The following CPNE8 variants were observed in gnomAD, a reference collection of about 807,000 sequenced individuals.
CPNE8 encodes copine 8, also known as copine-8.
In CPNE8, 45 loss-of-function variants were observed where a neutral mutation model predicts 81.5. The ratio of observed to expected loss-of-function variants is 0.55; its 90% confidence interval spans 0.44 to 0.71. The LOEUF is 0.71. CPNE8 is among the 30% of genes least tolerant of loss of function. The probability of loss-of-function intolerance (pLI) is 0.00; values close to 1 mark genes in which losing one functional copy is unlikely to be tolerated. For synonymous variants in CPNE8, 252 were observed against 226.3 expected, an observed-to-expected ratio of 1.11 and a Z score of -1.02; for missense variants, 594 against 672.1, an observed-to-expected ratio of 0.88 and a Z score of 1.28.
intron 16 of CPNE8, among the ~76,000 whole-genome samples, chr12:38,681,569 A>G (rs1218384222): frequency 6.6e-6 from 1 of 152,192 alleles, no homozygotes; most frequent in African/African-American, 2.4e-5. Flanking sequence ...ATCAAAGATT[A>G]TAGATATGGT....
intron 12 of CPNE8, 62 bp downstream of exon 12, chr12:38,724,784 A>G (rs1370022172): frequency 1.8e-6 from 2 of 1,115,310 alleles, no homozygotes; most frequent in East Asian, 2.7e-5. Context: ...TAAAGATGCC[A>G]TCTACATATA....
intron 15 of CPNE8, among the ~76,000 whole-genome samples, chr12:38,690,308 C>G (rs967363919): frequency 1.8e-4 from 27 of 152,134 alleles, no homozygotes; most frequent in African/African-American, 5.6e-4. Flanking sequence ...ATGAGCTTAA[C>G]ACAGAATACT....
chr12:38,657,351 G>C lies in CPNE8; in HGVS notation c.1507-3281C>G, dbSNP rs766935234. ...GGGGTGTCCACCATTGCTGAGGCTT[G>C]AGTAGGTAAACAAAGTGGCAAGGAA... On this transcript the variant is annotated intron_variant, in intron 19 of 19. Coordinates refer to ENST00000331366, the MANE Select transcript of CPNE8 (RefSeq NM_153634.3). Among the ~76,000 whole-genome samples, 5 of 152,282 alleles carry C rather than the reference G, an allele frequency of 3.3e-5. No homozygotes were observed. In the East Asian group the frequency reaches 9.7e-4, roughly 30 times the overall value.
intron 10 of CPNE8, among the ~76,000 whole-genome samples, chr12:38,755,717 T>C (rs941652242): frequency 6.6e-6 from 1 of 152,166 alleles, no homozygotes; most frequent in Non-Finnish European, 1.5e-5. Flanking sequence ...CCTCTAACTC[T>C]CAGACCCTTG....
At chr12:38,842,227 T>C (rs564229377) in intron 4 of CPNE8, among the ~76,000 whole-genome samples, 1 of 152,258 alleles carries the variant, frequency 6.6e-6, no homozygotes, top group African/African-American at 2.4e-5. Context: ...ATGTTTCTTA[T>C]ATAAGAAAAT....
intron 6 of CPNE8, among the ~76,000 whole-genome samples, chr12:38,826,693 CA>C (rs1262327605): frequency 6.6e-6 from 1 of 151,990 alleles, no homozygotes; most frequent in Non-Finnish European, 1.5e-5. Context: ...CCACATACCC[CA>C]ATCAACACAT....
At chr12:38,662,941 A>C (rs1445725300) in intron 19 of CPNE8, among the ~76,000 whole-genome samples, 1 of 152,168 alleles carries the variant, frequency 6.6e-6, no homozygotes, top group Non-Finnish European at 1.5e-5. Context: ...ATCCATATGC[A>C]GAAGAATGAA....
At chr12:38,670,233 T>A (rs1043921968) in intron 19 of CPNE8, among the ~76,000 whole-genome samples, 1 of 152,190 alleles carries the variant, frequency 6.6e-6, no homozygotes, top group African/African-American at 2.4e-5. Flanking sequence ...TACTGAGACC[T>A]TCTTCCTTTT....
At chr12:38,716,969 G>T (rs1940409289) in intron 13 of CPNE8, among the ~76,000 whole-genome samples, 1 of 152,026 alleles carries the variant, frequency 6.6e-6, no homozygotes, top group East Asian at 1.9e-4. Context: ...CCATCAAAAA[G>T]TGAGGAAGGA....
chr12:38,774,493 G>T (rs914265318), intron 7 of CPNE8, among the ~76,000 whole-genome samples: 1 of 151,854 alleles, frequency 6.6e-6, no homozygotes, highest in Non-Finnish European at 1.5e-5. Flanking sequence ...AGGTAATATC[G>T]CTGCATTTAA....
chr12:38,702,808 G>T, intron 14 of CPNE8, 67 bp downstream of exon 14: 1 of 956,602 alleles, frequency 1.0e-6, no homozygotes, highest in Non-Finnish European at 1.6e-6. Context: ...TAACACTTAT[G>T]AAAATATAAA....
chr12:38,852,962 T>C (rs1414972571), intron 3 of CPNE8, among the ~76,000 whole-genome samples: 1 of 152,160 alleles, frequency 6.6e-6, no homozygotes, highest in African/African-American at 2.4e-5. Context: ...TTTCTTGCAA[T>C]GAGTAGAATT....
At chr12:38,670,887 G>A in intron 18 of CPNE8, 85 bp from the exon 19 acceptor site, 1 of 917,196 alleles carries the variant, frequency 1.1e-6, no homozygotes, top group Admixed American at 2.2e-5. Flanking sequence ...CAAGATGTAT[G>A]AAGTAGCAAA....
chr12:38,739,816 C>T (rs564194505), intron 10 of CPNE8, among the ~76,000 whole-genome samples: 11 of 152,126 alleles, frequency 7.2e-5, no homozygotes, highest in Non-Finnish European at 1.5e-4. Flanking sequence ...TTAAAATTTA[C>T]ATTTTAACAT....
intron 6 of CPNE8, among the ~76,000 whole-genome samples, chr12:38,806,780 G>C (rs866087583): frequency 1.4e-5 from 2 of 148,048 alleles, no homozygotes; most frequent in Admixed American, 6.8e-5. Context: ...AGGAAATAAA[G>C]GGTATTCAAT....
At chr12:38,863,479 G>C (rs1607040) in intron 3 of CPNE8, among the ~76,000 whole-genome samples, 141,503 of 152,306 alleles carry the variant, frequency 0.93, 65,903 homozygotes, top group African/African-American at 0.99. Context: ...TGAGGCTTGC[G>C]TAATCTTAAC....
rs1344806479 is a variant in CPNE8, at chr12:38,685,404, A to G, written c.1271+86T>C. On this transcript the variant is annotated intron_variant, in intron 16 of 19. Coordinates refer to ENST00000331366, the MANE Select transcript of CPNE8 (RefSeq NM_153634.3). ...GGTAAACTAGAAGAAAACAACTTTC[A>G]TGTGTGGAGTCATGCTAGCAACAAT... is the stretch of plus-strand genomic sequence containing the variant. 107 of 1,407,250 alleles carry G rather than the reference A, an allele frequency of 7.6e-5. 4 individuals carry two copies. In the South Asian group the frequency reaches 1.5e-3, roughly 20 times the overall value. 87.2% of individuals were successfully genotyped at this position (1,407,250 alleles called of 1,614,324 possible). A position where few individuals can be genotyped will look rare whatever the true frequency, so the allele number is the denominator to read the frequency against.
rs117117947 is a variant in CPNE8, at chr12:38,788,305, G to A, written c.408-12004C>T. Among the ~76,000 whole-genome samples, 39 of 151,734 alleles carry A rather than the reference G, an allele frequency of 2.6e-4. No homozygotes were observed. The East Asian group carries it at 5.8e-3, about 23-fold the overall frequency. ...TATCCTTGGAATGCAAGGATGGTTC[G>A]ACATATGCAAAACAATCAATGTGAT... On this transcript the variant is annotated intron_variant, in intron 6 of 19. Coordinates refer to ENST00000331366, the MANE Select transcript of CPNE8 (RefSeq NM_153634.3).
At chr12:38,902,376 G>GAAAGAAAGAAAGA (rs1555172166) in intron 1 of CPNE8, among the ~76,000 whole-genome samples, 39 of 80,328 alleles carry the variant, frequency 4.9e-4, no homozygotes, top group African/African-American at 2.2e-3. Context: ...AAGAAAGAAA[G>GAAAGAAAGAAAGA]AAAGAAAAGA....
Sources: allele counts gnomAD v4.1 joint callset (sites outside exome capture counted in the v4.1 genomes callset), GRCh38; gene constraint gnomAD v4.1.1; transcripts MANE v1.5; gene names NCBI Gene and HGNC (gene_info 2026-07-23, HGNC 2026-07-21).